Variants in DEPDC1 observed in about 807,000 individuals in gnomAD.
DEPDC1 encodes DEP domain-containing protein 1A.
In DEPDC1, 66 loss-of-function variants were observed where a neutral mutation model predicts 86.8. The observed-to-expected ratio is 0.76, with a 90% CI of 0.62 to 0.93. The LOEUF (loss-of-function observed/expected upper bound fraction) is 0.93. Ranked by LOEUF, DEPDC1 falls within the 40% of genes least tolerant of loss-of-function variation. The probability of loss-of-function intolerance (pLI) is 0.00; values close to 1 mark genes in which losing one functional copy is unlikely to be tolerated. For synonymous variants in DEPDC1, 255 were observed against 314.9 expected, an observed-to-expected ratio of 0.81 and a Z score of 2.02; for missense variants, 792 against 935.7, an observed-to-expected ratio of 0.85 and a Z score of 2.00.
At chr1:68,490,933 G>T (rs1227942035) in intron 2 of DEPDC1, among the ~76,000 whole-genome samples, 1 of 152,124 alleles carries the variant, frequency 6.6e-6, no homozygotes, top group East Asian at 1.9e-4. Context: ...AGCAATGGGG[G>T]AAATGATTTC....
intron 3 of DEPDC1, 61 bp downstream of exon 3, chr1:68,489,391 T>G: frequency 8.5e-7 from 1 of 1,178,236 alleles, no homozygotes. Context: ...CTTTTAATGA[T>G]TCTATCATTG....
rs201523798 is a variant in DEPDC1 at position 68,493,918 on chromosome 1, C to CA, written c.314+511dup. 9.9e-3 allele frequency among the ~76,000 whole-genome samples: 1,501 copies of CA among 152,210 alleles called. 26 individuals are homozygous for CA. The highest frequency in any genetic ancestry group is 0.034 in the African/African-American group (1,429 of 41,532). On this transcript the variant is annotated intron_variant, in intron 2 of 11. Coordinates refer to ENST00000456315, the MANE Select transcript of DEPDC1 (RefSeq NM_001114120.3). ...TTCACCATGTTAGCCAGGCTGGTCT[C>CA]AAACTCCTAGCTTCAAGTTGATCCG...
chr1:68,481,951 TA>T, intron 8 of DEPDC1, 94 bp downstream of exon 8: 3 of 1,265,762 alleles, frequency 2.4e-6, no homozygotes, highest in Non-Finnish European at 3.2e-6. Flanking sequence ...GAAAAAAAAT[TA>T]AGCAACTTCA....
chr1:68,490,807 A>G (rs2100268681), intron 2 of DEPDC1, among the ~76,000 whole-genome samples: 1 of 152,244 alleles, frequency 6.6e-6, no homozygotes, highest in African/African-American at 2.4e-5. Context: ...TAGTAACCAA[A>G]ACAAAATGGT....
At position 68,494,664 on chromosome 1, in the gene DEPDC1, C is replaced by A; in HGVS notation, c.80G>T (p.Gly27Val). 1 of 1,613,464 alleles carries A rather than the reference C, an allele frequency of 6.2e-7. No individual in the cohort carries two copies. Among genetic ancestry groups the A allele is most frequent in the Non-Finnish European group, 8.5e-7 (1 of 1,179,610 alleles). ...TTGTCTGTGTTTTCTTAGAGGCATT[C>A]CTGCTCGAAAAGATGTGGTAACTTC... The part of the protein sequence containing the change: ...WNEVTTSFRA[G>V]MPLRKHRQHF... The change falls in exon 2 of 12, where the codon GGA becomes GTA. Residue 27 changes from glycine to valine, a missense_variant. Physicochemically the swap from Gly to Val is moderately radical, Grantham distance 109 (BLOSUM62 -3). Coordinates refer to ENST00000456315, the MANE Select transcript of DEPDC1 (RefSeq NM_001114120.3).
rs2100235877 is a variant in DEPDC1 at position 68,475,873 on chromosome 1, A to G, written c.*1059T>C. 6.6e-6 allele frequency: 1 copy of G among 152,042 alleles called. No homozygotes were observed. The highest frequency in any genetic ancestry group is 1.9e-4 in the East Asian group (1 of 5,170). The allele number at this position is 152,042 out of a possible 1,614,324, so 9.4% of individuals were successfully genotyped here. On this transcript the variant is annotated 3_prime_UTR_variant, in exon 12 of 12. Transcript: ENST00000456315. ...TTCTCACAGTTGGCTGAATATTGGA[A>G]TCACCTAGATTAAAAAAAATACTAA... is the stretch of plus-strand genomic sequence containing the variant.
rs771080626 is a variant in DEPDC1, at chr1:68,482,572, T to C, written c.1236A>G (p.Leu412=). ...NLIGLSNMHD[L]SSNSKPRCCS... ...AGCACCTTGGTTTGCTGTTAGAGGATAGATCATGCATATTACTTAACCCTA... is the reference window on the plus strand; with the variant it reads ...AGCACCTTGGTTTGCTGTTAGAGGACAGATCATGCATATTACTTAACCCTA... Residue 412 remains leucine (L), a synonymous_variant, in exon 8 of 12, where the codon CTA becomes CTG. Coordinates refer to ENST00000456315, the MANE Select transcript of DEPDC1 (RefSeq NM_001114120.3). 25 of 1,613,042 alleles carry C rather than the reference T, an allele frequency of 1.5e-5. No individual in the cohort carries two copies. In the Middle Eastern group the frequency reaches 4.9e-4, roughly 32 times the overall value.
chr1:68,496,373 C>G lies in DEPDC1; in HGVS notation c.48+579G>C, dbSNP rs918899237. 8.5e-5 allele frequency among the ~76,000 whole-genome samples: 13 copies of G among 152,148 alleles called. No individual in the cohort carries two copies. Among genetic ancestry groups the G allele is most frequent in the Admixed American group, 7.2e-4 (11 of 15,282 alleles). The stretch of plus-strand genomic sequence containing the variant: ...ACCGAAGACCCAACTGCACAAAACG[C>G]GTTAGGAGTGCTGTACGTGCAATTC... On this transcript the variant is annotated intron_variant, in intron 1 of 11. Coordinates refer to ENST00000456315, the MANE Select transcript of DEPDC1 (RefSeq NM_001114120.3). The surrounding 1 kb of genome is among the most constrained non-coding windows in gnomAD (Gnocchi z 4.0).
Position 68,476,912 on chromosome 1 carries a change from A to G in DEPDC1, c.*20T>C. The G allele has an allele frequency of 1.3e-6, 2 of 1,544,792 alleles. No individual in the cohort carries two copies. The highest frequency in any genetic ancestry group is 1.8e-6 in the Non-Finnish European group (2 of 1,140,644). On this transcript the variant is annotated 3_prime_UTR_variant, in exon 12 of 12. Coordinates refer to ENST00000456315, the MANE Select transcript of DEPDC1 (RefSeq NM_001114120.3). Reference sequence around the variant, plus strand: ...TTTATCAAAGTTCCACAAGTATTACATAATTTTTAATTCAGTTAGTTATCT... The same window carrying G: ...TTTATCAAAGTTCCACAAGTATTACGTAATTTTTAATTCAGTTAGTTATCT...
Position 68,479,202 on chromosome 1 carries a change from A to G in DEPDC1, c.2054T>C (p.Val685Ala), listed in dbSNP as rs911127031. 1 of 1,612,194 alleles carries G rather than the reference A, an allele frequency of 6.2e-7. No homozygotes were observed. The highest frequency in any genetic ancestry group is 1.7e-5 in the Admixed American group (1 of 59,828). Residue 685 changes from valine (V) to alanine (A), a missense_variant, in exon 10 of 12, where the codon GTA becomes GCA. Coordinates refer to ENST00000456315, the MANE Select transcript of DEPDC1 (RefSeq NM_001114120.3). ...LMDHHQEILQ[V>A]PSYLQTAVEK... is the part of the protein sequence containing the mutation. ...CACTGCAGTCTGTAAGTAAGAGGGT[A>G]CTTGAAGAATTTCCTGATGATGATC...
chr1:68,483,144 C>T (rs1646169469), intron 7 of DEPDC1: 1 of 548,974 alleles, frequency 1.8e-6, no homozygotes, highest in Non-Finnish European at 3.3e-6. Context: ...TTTCAACAGC[C>T]TAATTAAATG....
chr1:68,488,127 GC>G (rs1646204927), intron 5 of DEPDC1, among the ~76,000 whole-genome samples: 1 of 151,752 alleles, frequency 6.6e-6, no homozygotes, highest in African/African-American at 2.4e-5. Context: ...CCTTTTGGAT[GC>G]TTAACTTTGT....
At chr1:68,484,440 T>C (rs1241896807) in intron 6 of DEPDC1, among the ~76,000 whole-genome samples, 1 of 152,078 alleles carries the variant, frequency 6.6e-6, no homozygotes, top group Non-Finnish European at 1.5e-5. Context: ...TTCCTTCAAA[T>C]TGTCTTTTTG....
chr1:68,486,955 T>C lies in DEPDC1; in HGVS notation c.751A>G (p.Met251Val). Residue 251 changes from methionine to valine, a missense_variant, in exon 6 of 12, where the codon ATG (methionine) becomes GTG (valine). By Grantham distance (21) the Met-to-Val change is conservative. Transcript: ENST00000456315. ...DDLPHWVLSA[M>V]KCLANWPRSN... ...AACTTACAATTTGCTAGGCACTTCA[T>C]GGCAGATAATACCCAGTGAGGGAGG... 1 of 1,602,154 alleles carries C rather than the reference T, an allele frequency of 6.2e-7. No homozygotes were observed. The highest frequency in any genetic ancestry group is 8.5e-7 in the Non-Finnish European group (1 of 1,175,100).
Position 68,492,857 on chromosome 1 carries a change from A to T in DEPDC1, c.314+1573T>A, listed in dbSNP as rs59384964. Reference sequence around the variant, plus strand: ...AGAAAGGGAAAGAATCAAGGCAACTATAGGGAAGGCAATGCAATTTATTCA... The same window carrying T: ...AGAAAGGGAAAGAATCAAGGCAACTTTAGGGAAGGCAATGCAATTTATTCA... On this transcript the variant is annotated intron_variant, in intron 2 of 11. Transcript: ENST00000456315. Among the ~76,000 whole-genome samples, 339 of 152,326 alleles carry T rather than the reference A, an allele frequency of 2.2e-3. 11 individuals carry two copies. In the East Asian group the frequency reaches 0.059, roughly 26 times the overall value.
chr1:68,485,091 C>A (rs1274243269), intron 6 of DEPDC1, among the ~76,000 whole-genome samples: 1 of 151,640 alleles, frequency 6.6e-6, no homozygotes, highest in East Asian at 1.9e-4. Context: ...ATATTTCTTA[C>A]TTCTCTGTTT....
At position 68,477,961 on chromosome 1, in the gene DEPDC1, A is replaced by G; in HGVS notation, c.2124T>C (p.Pro708=). Residue 708 remains proline, a synonymous_variant, in exon 11 of 12, where the codon CCT becomes CCC. Transcript: ENST00000456315. ...DYLKKGHIEN[P]GDGLFAPLPT... ...GCAAAGGAGCAAATAGTCCATCTCCAGGATTTTCAATCTGTAGTGATCAAA... is the reference window on the plus strand; with the variant it reads ...GCAAAGGAGCAAATAGTCCATCTCCGGGATTTTCAATCTGTAGTGATCAAA... 1 of 1,542,334 alleles carries G rather than the reference A, an allele frequency of 6.5e-7. No homozygotes were observed. The highest frequency in any genetic ancestry group is 8.7e-7 in the Non-Finnish European group (1 of 1,145,752).
rs773546148 is a variant in DEPDC1 at position 68,482,296 on chromosome 1, T to C, written c.1512A>G (p.Ser504=). Residue 504 remains serine, a synonymous_variant, in exon 8 of 12, where the codon TCA becomes TCG. Transcript: ENST00000456315. ...QEELCNGKCK[S]KQLCRSQSLL... ...AACTCTGAGACCTACAAAGCTGTTT[T>C]GACTTGCATTTCCCATTACACAACT... 8 of 1,612,932 alleles carry C rather than the reference T, an allele frequency of 5.0e-6. No homozygotes were observed. The highest frequency in any genetic ancestry group is 1.7e-4 in the Middle Eastern group (1 of 6,050).
At position 68,489,508 on chromosome 1, in the gene DEPDC1, T is replaced by C. The variant is rs1416713823; in HGVS notation, c.415A>G (p.Lys139Glu). 1 of 1,541,774 alleles carries C rather than the reference T, an allele frequency of 6.5e-7. No individual in the cohort carries two copies. The highest frequency in any genetic ancestry group is 1.4e-5 in the African/African-American group (1 of 69,820). Residue 139 changes from lysine (K) to glutamate (E), a missense_variant, in exon 3 of 12, where the codon AAA becomes GAA. Lys to Glu is a moderately conservative substitution (Grantham distance 56). Transcript: ENST00000456315. ...GTTCTACGAGATAAGTTTCGTAATT[T>C]AAAAATGCTATCTTTATCTTTGGAA... ...NFSKDKDSIF[K>E]LRNLSRRTPK...
Sources: allele counts gnomAD v4.1 joint callset (sites outside exome capture counted in the v4.1 genomes callset), GRCh38; gene constraint gnomAD v4.1.1; non-coding constraint Gnocchi (gnomAD v3.1); transcripts MANE v1.5; gene names NCBI Gene and HGNC (gene_info 2026-07-23, HGNC 2026-07-21).